Variants in ACOXL observed in about 807,000 individuals in gnomAD.
The protein encoded by ACOXL is acyl-CoA oxidase like.
A neutral mutation model predicts 71.9 loss-of-function variants in ACOXL; 70 were observed. The observed-to-expected ratio is 0.97, with a 90% confidence interval of 0.80 to 1.19. The LOEUF (loss-of-function observed/expected upper bound fraction) is 1.19, where lower values mean the gene tolerates loss of function less well. ACOXL is among the 50% of genes most tolerant of loss of function. ACOXL has a pLI of 0.00. For synonymous variants in ACOXL, 253 were observed against 281.6 expected (o/e 0.90, Z 1.02); for missense variants, 703 against 736.3 (o/e 0.95, Z 0.52).
chr2:111,072,209 T>C (rs1013680190), intron 16 of ACOXL, among the ~76,000 whole-genome samples: 1 of 152,200 alleles, frequency 6.6e-6, no homozygotes, highest in Non-Finnish European at 1.5e-5. Context: ...CATCCTAAAA[T>C]AATCCTTTAT....
intron 13 of ACOXL, among the ~76,000 whole-genome samples, chr2:110,989,671 A>T (rs1376151579): frequency 6.6e-6 from 1 of 152,178 alleles, no homozygotes; most frequent in East Asian, 1.9e-4. Flanking sequence ...GGAAGATGAA[A>T]ACGTTGTGGA....
intron 10 of ACOXL, among the ~76,000 whole-genome samples, chr2:110,857,136 G>C (rs35013940): frequency 0.068 from 10,353 of 152,232 alleles, 489 homozygotes; most frequent in South Asian, 0.24. Context: ...AAGGACCAGA[G>C]TGGCTTTGAT....
At chr2:110,998,248 G>C (rs10197016) in intron 14 of ACOXL, among the ~76,000 whole-genome samples, 54,923 of 152,058 alleles carry the variant, frequency 0.36, 10,731 homozygotes, top group African/African-American at 0.5. Context: ...TTAGTAATTA[G>C]AGAAACATAG....
At chr2:110,992,942 G>A (rs1013646637) in intron 13 of ACOXL, among the ~76,000 whole-genome samples, 5 of 152,194 alleles carry the variant, frequency 3.3e-5, no homozygotes, top group Non-Finnish European at 7.3e-5. Context: ...TTTACAGGAA[G>A]CATTTATGTA....
chr2:111,101,220 G>A (rs1270435596), intron 17 of ACOXL: 1 of 152,534 alleles, frequency 6.6e-6, no homozygotes, highest in African/African-American at 2.4e-5. Context: ...TCACTGCTTA[G>A]TGTCACAAAG....
At chr2:111,006,801 T>C (rs1352816592) in intron 14 of ACOXL, among the ~76,000 whole-genome samples, 2 of 152,056 alleles carry the variant, frequency 1.3e-5, no homozygotes, top group Non-Finnish European at 1.5e-5. Flanking sequence ...TCAAGTGATC[T>C]GCCCTCCTCA....
At chr2:110,968,501 T>TC in intron 12 of ACOXL, 1 of 1,315,946 alleles carries the variant, frequency 7.6e-7, no homozygotes, top group South Asian at 1.2e-5. Flanking sequence ...AAGAAACAGT[T>TC]CTCTCAATAC....
chr2:110,810,525 C>T (rs1687187854), intron 9 of ACOXL, among the ~76,000 whole-genome samples: 2 of 151,856 alleles, frequency 1.3e-5, no homozygotes, highest in South Asian at 4.1e-4. Flanking sequence ...ACCACCCATC[C>T]ATCCACCCAT....
At chr2:110,884,989 G>C (rs1480090902) in intron 10 of ACOXL, among the ~76,000 whole-genome samples, 1 of 152,030 alleles carries the variant, frequency 6.6e-6, no homozygotes, top group Non-Finnish European at 1.5e-5. Context: ...ATGAATTAGA[G>C]CCACATTTGC....
At chr2:110,742,163 T>G (rs1197039204) in intron 1 of ACOXL, among the ~76,000 whole-genome samples, 1 of 152,226 alleles carries the variant, frequency 6.6e-6, no homozygotes, top group Non-Finnish European at 1.5e-5. Context: ...GTATGTGGAT[T>G]TAAACACAAG....
At chr2:110,977,902 T>C (rs1318753684) in intron 12 of ACOXL, among the ~76,000 whole-genome samples, 6 of 152,188 alleles carry the variant, frequency 3.9e-5, no homozygotes. Context: ...AACAACCATA[T>C]AACCAGAGAT....
chr2:111,053,471 C>T (rs1429260435), intron 16 of ACOXL, among the ~76,000 whole-genome samples: 3 of 152,204 alleles, frequency 2.0e-5, no homozygotes, highest in African/African-American at 7.2e-5. Context: ...GGCATTGGGT[C>T]AGCCTAGATT....
chr2:110,901,790 C>T (rs1019108785), intron 10 of ACOXL, among the ~76,000 whole-genome samples: 1 of 151,988 alleles, frequency 6.6e-6, no homozygotes, highest in Non-Finnish European at 1.5e-5. Context: ...CTTTTGGAGG[C>T]CGAGGTGGGT....
intron 14 of ACOXL, among the ~76,000 whole-genome samples, chr2:111,015,207 G>T (rs759264912): frequency 1.3e-5 from 2 of 152,108 alleles, no homozygotes; most frequent in Non-Finnish European, 2.9e-5. Context: ...GAAATTATTT[G>T]CAATACCTGT....
intron 1 of ACOXL, among the ~76,000 whole-genome samples, chr2:110,755,046 T>G (rs550393421): frequency 6.6e-6 from 1 of 152,310 alleles, no homozygotes; most frequent in Admixed American, 6.5e-5. Flanking sequence ...TCTCTCTCTC[T>G]CTTTTAGCTT....
At chr2:110,792,423 CCTT>C (rs1432566264) in intron 3 of ACOXL, among the ~76,000 whole-genome samples, 2 of 151,536 alleles carry the variant, frequency 1.3e-5, no homozygotes, top group African/African-American at 2.4e-5. Context: ...TGTTTCTTCT[CCTT>C]CTCCTTCTCA....
At chr2:111,083,902 G>A (rs1382236974) in intron 16 of ACOXL, among the ~76,000 whole-genome samples, 2 of 152,136 alleles carry the variant, frequency 1.3e-5, no homozygotes, top group Non-Finnish European at 2.9e-5. Context: ...ATACCTTATA[G>A]TGTCTGACAC....
chr2:110,961,220 C>T (rs1244239217), intron 12 of ACOXL, among the ~76,000 whole-genome samples: 2 of 152,182 alleles, frequency 1.3e-5, no homozygotes, highest in African/African-American at 4.8e-5. Context: ...TCTCAAGGGC[C>T]AGGTAGAGTC....
At chr2:110,870,301 T>A (rs1695115123) in intron 10 of ACOXL, among the ~76,000 whole-genome samples, 1 of 152,026 alleles carries the variant, frequency 6.6e-6, no homozygotes, top group Admixed American at 6.5e-5. Flanking sequence ...GCAGGCCTTG[T>A]GTAGTGCCAT....
Sources: allele counts gnomAD v4.1 joint callset (sites outside exome capture counted in the v4.1 genomes callset), GRCh38; gene constraint gnomAD v4.1.1; transcripts MANE v1.5; gene names NCBI Gene and HGNC (gene_info 2026-07-23, HGNC 2026-07-21).